The following PRR14L variants were observed in gnomAD, a reference collection of about 807,000 sequenced individuals.
PRR14L encodes proline rich 14 like, also known as protein PRR14L.
PRR14L carries 80 observed loss-of-function variants against 155.0 expected under a neutral mutation model. That is an observed-to-expected ratio of 0.52 (90% CI 0.43 to 0.62). The LOEUF is 0.62. Among genes scored for constraint, PRR14L ranks in the 20% least tolerant of loss-of-function variants. The probability of loss-of-function intolerance (pLI) is 0.00; values close to 1 mark genes in which losing one functional copy is unlikely to be tolerated. For missense variants in PRR14L, 2,469 were observed against 2,548.0 expected (o/e 0.97, Z 0.67); for synonymous variants, 883 against 916.0 (o/e 0.96, Z 0.65).
intron 2 of PRR14L, among the ~76,000 whole-genome samples, chr22:31,734,231 A>G (rs992116144): frequency 3.9e-5 from 6 of 152,176 alleles, no homozygotes; most frequent in African/African-American, 7.2e-5. Flanking sequence ...TCAGCCTCCC[A>G]AAGTGCTGAG....
At chr22:31,723,269 G>A (rs574735741) in intron 3 of PRR14L, among the ~76,000 whole-genome samples, 2 of 152,240 alleles carry the variant, frequency 1.3e-5, no homozygotes, top group South Asian at 4.1e-4. Flanking sequence ...CATGATATTA[G>A]AACATGAAGA....
chr22:31,690,347 C>T (rs2074504847), intron 7 of PRR14L, among the ~76,000 whole-genome samples: 1 of 151,930 alleles, frequency 6.6e-6, no homozygotes, highest in African/African-American at 2.4e-5. Flanking sequence ...CCATGCCCAG[C>T]TGTAACTTTG....
At chr22:31,732,434 T>C (rs919873146) in intron 2 of PRR14L, among the ~76,000 whole-genome samples, 4 of 152,130 alleles carry the variant, frequency 2.6e-5, no homozygotes, top group African/African-American at 4.8e-5. Flanking sequence ...CTTCTAGGAG[T>C]TGGAAATTTT....
intron 4 of PRR14L, among the ~76,000 whole-genome samples, chr22:31,710,233 C>T (rs2074613783): frequency 6.6e-6 from 1 of 152,074 alleles, no homozygotes. Flanking sequence ...TGAGCCACTG[C>T]GTCCCGCCTG....
chr22:31,717,260 C>T lies in PRR14L; in HGVS notation c.579G>A (p.Leu193=). Residue 193 remains leucine, a synonymous_variant, in exon 4 of 9, where the codon CTG becomes CTA. Coordinates refer to ENST00000327423, the MANE Select transcript of PRR14L (RefSeq NM_173566.3). ...TACCTTGTACTTCGGCGGATTTTAG[C>T]AGAGTTTCAGCTGTAATCTGTACAT... ...EGNVQITAET[L]LKSAEVQGMK... 1 of 1,550,858 alleles carries T rather than the reference C, an allele frequency of 6.4e-7. No individual in the cohort carries two copies. Among genetic ancestry groups the T allele is most frequent in the South Asian group, 1.2e-5 (1 of 83,928 alleles).
rs199814293 is a variant in PRR14L, at chr22:31,704,634, C to T, written c.5828+21G>A. On this transcript the variant is annotated intron_variant, in intron 5 of 8. Transcript: ENST00000327423. The stretch of plus-strand genomic sequence containing the variant: ...ACACACACGCACACGCGCACACACA[C>T]GCTGAGTCTCATGTGCTTACCTCGT... The T allele has an allele frequency of 6.2e-4, 1,000 of 1,606,860 alleles. 1 individual carries two copies. Among genetic ancestry groups the T allele is most frequent in the Non-Finnish European group, 7.6e-4 (890 of 1,173,684 alleles).
At position 31,713,620 on chromosome 22, in the gene PRR14L, G is replaced by A. The variant is rs200914412; in HGVS notation, c.4219C>T (p.Arg1407Cys). The change falls in exon 4 of 9, where the codon CGT becomes TGT. Residue 1407 changes from arginine to cysteine, a missense_variant. Transcript: ENST00000327423. ...GATATCGTATGTGCTTTTTGTTGAC[G>A]TATATATTTCTCTTCTTTCTGCAAC... is the stretch of plus-strand genomic sequence containing the variant. ...YMLQKEEKYI[R>C]QQKAHTISQQ... is the part of the protein sequence containing the mutation. The A allele has an allele frequency of 1.1e-5, 17 of 1,551,670 alleles. No individual in the cohort carries two copies. Among genetic ancestry groups the A allele is most frequent in the Non-Finnish European group, 1.2e-5 (14 of 1,147,044 alleles).
chr22:31,714,589 C>T lies in PRR14L; in HGVS notation c.3250G>A (p.Glu1084Lys). 5.2e-6 allele frequency: 8 copies of T among 1,551,940 alleles called. No homozygotes were observed. The South Asian group carries it at 8.3e-5, about 16-fold the overall frequency. The stretch of plus-strand genomic sequence containing the variant: ...GAGTCCTCTTGAAATGCCAGTTTCT[C>T]TTGCCTTGCACCACAATCCAGTAGA... ...SNLLDCGARQ[E>K]KLAFQEDSRS... is the part of the protein sequence containing the mutation. Residue 1084 changes from glutamate (E) to lysine (K), a missense_variant, in exon 4 of 9, where the codon GAG becomes AAG. Glu to Lys is a moderately conservative substitution (Grantham distance 56, BLOSUM62 1). Transcript: ENST00000327423.
rs569235422 is a variant in PRR14L at position 31,683,587 on chromosome 22, G to C, written c.*1940C>G. On this transcript the variant is annotated 3_prime_UTR_variant, in exon 9 of 9. Coordinates refer to ENST00000327423, the MANE Select transcript of PRR14L (RefSeq NM_173566.3). ...ATCTGGTTAGCATCATTCAGAGCTG[G>C]TACGGAAGCCTGGCTCTCTTCTAAC... 1 of 152,406 alleles carries C rather than the reference G, an allele frequency of 6.6e-6. No homozygotes were observed. The highest frequency in any genetic ancestry group is 1.9e-4 in the East Asian group (1 of 5,186). The allele number at this position is 152,406 out of a possible 1,614,324, so 9.4% of individuals were successfully genotyped here. A position where few individuals can be genotyped will look rare whatever the true frequency, so the allele number is the denominator to read the frequency against.
In PRR14L at chr22:31,687,198, T is replaced by C. The variant is rs9609345; in HGVS notation, c.6179+958A>G. Among the ~76,000 whole-genome samples the C allele has an allele frequency of 6.9e-3, 987 of 143,872 alleles. 5 individuals carry two copies. The highest frequency in any genetic ancestry group is 0.012 in the Non-Finnish European group (805 of 65,354). 94.4% of individuals were successfully genotyped at this position (143,872 alleles called of 152,430 possible). ...GATTACTGGTGTGTGCCACCACGCC[T>C]GGGTAATTTTGTATTTTAGTAGAGA... On this transcript the variant is annotated intron_variant, in intron 8 of 8. Transcript: ENST00000327423.
chr22:31,712,199 C>T lies in PRR14L; in HGVS notation c.5640G>A (p.Ser1880=), dbSNP rs201121410. Residue 1880 remains serine, a synonymous_variant, in exon 4 of 9, where the codon TCG becomes TCA. Transcript: ENST00000327423. ...TCCAAATGGATAGGACTCTGCCCACCGAGTAGGGCAGAGAACAGAAGACCT... is the reference window on the plus strand; with the variant it reads ...TCCAAATGGATAGGACTCTGCCCACTGAGTAGGGCAGAGAACAGAAGACCT... ...ADKVFCSLPY[S]VGRVLSIWSQ... The T allele has an allele frequency of 2.6e-5, 42 of 1,614,100 alleles. No individual in the cohort carries two copies. Among genetic ancestry groups the T allele is most frequent in the East Asian group, 2.0e-4 (9 of 44,878 alleles).
At position 31,716,557 on chromosome 22, in the gene PRR14L, A is replaced by G. The variant is rs778379613; in HGVS notation, c.1282T>C (p.Cys428Arg). The change falls in exon 4 of 9, where the codon TGT becomes CGT. Residue 428 changes from cysteine (C) to arginine (R), a missense_variant. By Grantham distance (180) the Cys-to-Arg change is radical. Around this residue, in one of 2 missense-constraint regions of PRR14L, gnomAD observed 2,363 missense variants for 2,371.6 expected, o/e 1.00. Transcript: ENST00000327423. ...REPEKEISGR[C>R]SGEKEPVVSP... Reference sequence around the variant, plus strand: ...ACAACAGGCTCTTTTTCACCAGAACAACGACCACTAATCTCCTTTTCTGGT... The same window carrying G: ...ACAACAGGCTCTTTTTCACCAGAACGACGACCACTAATCTCCTTTTCTGGT... 7.1e-6 allele frequency: 11 copies of G among 1,547,328 alleles called. No individual in the cohort carries two copies. Among genetic ancestry groups the G allele is most frequent in the Non-Finnish European group, 7.0e-6 (8 of 1,146,018 alleles).
At chr22:31,696,691 T>C (rs972019061) in intron 7 of PRR14L, among the ~76,000 whole-genome samples, 1 of 152,254 alleles carries the variant, frequency 6.6e-6, no homozygotes, top group African/African-American at 2.4e-5. Context: ...TCTTCTTTGA[T>C]ACATCAATCA....
chr22:31,692,462 A>G (rs1368820339), intron 7 of PRR14L, among the ~76,000 whole-genome samples: 1 of 152,144 alleles, frequency 6.6e-6, no homozygotes, highest in African/African-American at 2.4e-5. Flanking sequence ...CCATTTGTCT[A>G]TCTTCTTTGG....
chr22:31,727,664 T>TTAATCTGAAATA (rs2074724084), intron 2 of PRR14L, among the ~76,000 whole-genome samples: 2 of 152,132 alleles, frequency 1.3e-5, no homozygotes, highest in Non-Finnish European at 2.9e-5. Flanking sequence ...AAGGTTTGTG[T>TTAATCTGAAATA]TAATCTGAAA....
chr22:31,729,649 C>G (rs1447346872), intron 2 of PRR14L, among the ~76,000 whole-genome samples: 2 of 152,092 alleles, frequency 1.3e-5, no homozygotes, highest in Non-Finnish European at 2.9e-5. Context: ...ATATTAAGAC[C>G]AGTAACAAAA....
At chr22:31,698,991 T>G (rs1796253896) in intron 7 of PRR14L, among the ~76,000 whole-genome samples, 1 of 152,182 alleles carries the variant, frequency 6.6e-6, no homozygotes, top group Non-Finnish European at 1.5e-5. Flanking sequence ...TATCATGCTT[T>G]CTACCATACT....
chr22:31,738,781 TC>T lies in PRR14L; in HGVS notation c.79del (p.Glu27AsnfsTer4). The T allele has an allele frequency of 6.4e-7, 1 of 1,551,786 alleles. No homozygotes were observed. The highest frequency in any genetic ancestry group is 8.7e-7 in the Non-Finnish European group (1 of 1,147,060). ...CTCTCTGGAGACACTTACTGGGAGTTCAGAGTATAATTCCTGTACCACGGCA... is the reference window on the plus strand; with the variant it reads ...CTCTCTGGAGACACTTACTGGGAGTTAGAGTATAATTCCTGTACCACGGCA... ...MSAVVQELYSELPVSVSRELH... is the reference protein window; with the variant it reads ...MSAVVQELYSXLPVSVSRELH... On this transcript the variant is annotated frameshift_variant, in exon 2 of 9. Transcript: ENST00000327423. LOFTEE classifies it high-confidence loss of function.
Position 31,730,300 on chromosome 22 carries a change from T to C in PRR14L, c.475-4690A>G, listed in dbSNP as rs139957774. Among the ~76,000 whole-genome samples the C allele has an allele frequency of 3.5e-3, 531 of 152,170 alleles. 9 individuals carry two copies. In the East Asian group the frequency reaches 0.043, roughly 12 times the overall value. On this transcript the variant is annotated intron_variant, in intron 2 of 8. Transcript: ENST00000327423. ...TAAAAATACAAAAATTAGCTGGCCA[T>C]GGTGGCACGTGCCTGTAATCCCAGC...
Sources: gnomAD v4.1 joint callset for allele counts (sites outside exome capture counted in the v4.1 genomes callset) on GRCh38, gnomAD v4.1.1 for gene constraint, gnomAD v4.1.1 regional missense constraint, MANE v1.5 for transcripts, NCBI Gene and HGNC (gene_info 2026-07-23, HGNC 2026-07-21) for gene names.